The following CCDC102B variants were observed in gnomAD, a reference collection of about 807,000 sequenced individuals.
CCDC102B encodes the protein coiled-coil domain-containing protein 102B.
Under a neutral mutation model 57.4 loss-of-function variants are expected in CCDC102B, and 75 were observed. The observed-to-expected ratio is 1.31, with a 90% CI of 1.08 to 1.58. The LOEUF (loss-of-function observed/expected upper bound fraction) is 1.58, where lower values mean the gene tolerates loss of function less well. Among genes scored for constraint, CCDC102B ranks in the 40% most tolerant of loss-of-function variants. CCDC102B has a pLI of 0.00. For synonymous variants in CCDC102B, 206 were observed against 201.9 expected, an observed-to-expected ratio of 1.02 and a Z score of -0.17; for missense variants, 636 against 582.6, an observed-to-expected ratio of 1.09 and a Z score of -0.94.
chr18:68,879,176 C>T (rs1748553444), intron 5 of CCDC102B, among the ~76,000 whole-genome samples: 1 of 151,930 alleles, frequency 6.6e-6, no homozygotes, highest in Non-Finnish European at 1.5e-5. Context: ...GCGAGTGTTA[C>T]AGCTCTTAAG....
intron 4 of CCDC102B, among the ~76,000 whole-genome samples, chr18:68,860,464 A>G (rs1053456521): frequency 2.5e-5 from 2 of 78,674 alleles, no homozygotes; most frequent in African/African-American, 3.5e-5. Context: ...AAAAAAAAAC[A>G]AAAACAAAAA....
At chr18:68,951,805 CAA>C (rs5825888) in intron 6 of CCDC102B, among the ~76,000 whole-genome samples, 17 of 130,284 alleles carry the variant, frequency 1.3e-4, no homozygotes, top group Admixed American at 2.3e-4. Flanking sequence ...GAGACCCTGT[CAA>C]AAAAAAAAAA....
upstream of CCDC102B, among the ~76,000 whole-genome samples, chr18:68,793,349 T>C (rs191736235): frequency 6.6e-6 from 1 of 152,332 alleles, no homozygotes; most frequent in Non-Finnish European, 1.5e-5. Flanking sequence ...ATTATTTGTC[T>C]GACTTAATTG....
At chr18:68,802,298 A>G (rs1487223551) in intron 1 of CCDC102B, among the ~76,000 whole-genome samples, 1 of 152,120 alleles carries the variant, frequency 6.6e-6, no homozygotes, top group Non-Finnish European at 1.5e-5. Context: ...CCTATTTTTG[A>G]TACTGCCCAG....
Position 68,897,090 on chromosome 18 carries a change from T to C in CCDC102B, c.1054-129T>C, listed in dbSNP as rs1469248015. The C allele has an allele frequency of 9.0e-6, 6 of 663,648 alleles. No homozygotes were observed. In the East Asian group the frequency reaches 1.3e-4, roughly 15 times the overall value. The allele number at this position is 663,648 out of a possible 1,614,324, so 41.1% of individuals were successfully genotyped here. On this transcript the variant is annotated intron_variant, in intron 5 of 7. Coordinates refer to ENST00000360242, the MANE Select transcript of CCDC102B (RefSeq NM_024781.3). The stretch of plus-strand genomic sequence containing the variant: ...TTCTCATGTTTTCAAACAAATAGAA[T>C]TTTCTTTTTAAAATTGTATCAGTGG...
intron 6 of CCDC102B, among the ~76,000 whole-genome samples, chr18:68,987,748 A>C (rs1487325993): frequency 6.6e-6 from 1 of 152,084 alleles, no homozygotes; most frequent in African/African-American, 2.4e-5. Flanking sequence ...ATGAACAGAC[A>C]CTTCTGAAAA....
intron 6 of CCDC102B, among the ~76,000 whole-genome samples, chr18:68,946,060 C>A (rs1392085809): frequency 6.6e-6 from 1 of 151,712 alleles, no homozygotes. Flanking sequence ...TAGTTTGTAG[C>A]TTTTTGTACA....
At chr18:69,043,560 G>A (rs927804079) in intron 7 of CCDC102B, among the ~76,000 whole-genome samples, 17 of 152,076 alleles carry the variant, frequency 1.1e-4, no homozygotes, top group Non-Finnish European at 2.4e-4. Context: ...TGAGATTAGG[G>A]AGTGGTGATG....
chr18:68,920,762 C>A lies in CCDC102B; in HGVS notation c.1263+23334C>A, dbSNP rs374307374. Reference sequence around the variant, plus strand: ...GTAAATGCTGAGTGAAGGTGGAAACCGCTTATAAAATCATGAACTCACTCA... The same window carrying A: ...GTAAATGCTGAGTGAAGGTGGAAACAGCTTATAAAATCATGAACTCACTCA... On this transcript the variant is annotated intron_variant, in intron 6 of 7. Coordinates refer to ENST00000360242, the MANE Select transcript of CCDC102B (RefSeq NM_024781.3). Among the ~76,000 whole-genome samples, 5 of 152,006 alleles carry A rather than the reference C, an allele frequency of 3.3e-5. No individual in the cohort carries two copies. In the East Asian group the frequency reaches 7.7e-4, roughly 24 times the overall value.
chr18:68,925,541 A>G (rs1019450551), intron 6 of CCDC102B, among the ~76,000 whole-genome samples: 1 of 151,954 alleles, frequency 6.6e-6, no homozygotes, highest in East Asian at 1.9e-4. Context: ...CTCAGTTTCT[A>G]TTTATGACAT....
At chr18:68,716,131 T>A (rs75367739) in intron 1 of CCDC102B, among the ~76,000 whole-genome samples, 2 of 151,802 alleles carry the variant, frequency 1.3e-5, no homozygotes, top group African/African-American at 4.9e-5. Flanking sequence ...CTTTTTTTTT[T>A]AAGAAAAAAG....
downstream of CCDC102B, among the ~76,000 whole-genome samples, chr18:69,057,237 A>G (rs1363759972): frequency 6.6e-6 from 1 of 152,100 alleles, no homozygotes; most frequent in African/African-American, 2.4e-5. Flanking sequence ...TGTTTCAGAT[A>G]TCTACTGCTA....
intron 1 of CCDC102B, among the ~76,000 whole-genome samples, chr18:68,807,639 A>G (rs951891676): frequency 1.3e-5 from 2 of 152,180 alleles, no homozygotes; most frequent in African/African-American, 2.4e-5. Flanking sequence ...CTTTTGAGAA[A>G]TACAAACACT....
intron 1 of CCDC102B, among the ~76,000 whole-genome samples, chr18:68,815,178 A>G (rs2036425406): frequency 1.3e-5 from 2 of 152,170 alleles, no homozygotes; most frequent in South Asian, 2.1e-4. Context: ...TCACAGTTCT[A>G]AAGTCTTACA....
chr18:69,022,662 T>C (rs1415934063), intron 7 of CCDC102B, among the ~76,000 whole-genome samples: 1 of 152,170 alleles, frequency 6.6e-6, no homozygotes, highest in Non-Finnish European at 1.5e-5. Flanking sequence ...TTTATGTATT[T>C]ATGTATCCCC....
chr18:68,780,931 G>C (rs959780676), intron 2 of CCDC102B, among the ~76,000 whole-genome samples: 2 of 151,972 alleles, frequency 1.3e-5, no homozygotes, highest in African/African-American at 2.4e-5. Context: ...AACATTGGAG[G>C]GCTTATTAAG....
intron 5 of CCDC102B, among the ~76,000 whole-genome samples, chr18:68,891,535 G>T (rs1235934893): frequency 6.6e-6 from 1 of 152,204 alleles, no homozygotes; most frequent in Non-Finnish European, 1.5e-5. Flanking sequence ...GTGACAAAGT[G>T]TGTATTGTTT....
chr18:68,848,439 G>A (rs2037972900), intron 4 of CCDC102B, among the ~76,000 whole-genome samples: 1 of 151,950 alleles, frequency 6.6e-6, no homozygotes, highest in Admixed American at 6.6e-5. Flanking sequence ...ATTAGCAATT[G>A]TTAAAGTTGG....
chr18:69,001,850 T>C (rs939891590), intron 6 of CCDC102B, among the ~76,000 whole-genome samples: 2 of 152,330 alleles, frequency 1.3e-5, no homozygotes, highest in Admixed American at 6.5e-5. Context: ...ACATTCATAG[T>C]TGATTAATAT....
Sources: allele counts gnomAD v4.1 joint callset (sites outside exome capture counted in the v4.1 genomes callset), GRCh38; gene constraint gnomAD v4.1.1; transcripts MANE v1.5; gene names NCBI Gene and HGNC (gene_info 2026-07-23, HGNC 2026-07-21).